The following NT5DC1 variants were observed in gnomAD, a reference collection of about 807,000 sequenced individuals.
NT5DC1 encodes the protein 5'-nucleotidase domain-containing protein 1.
Under a neutral mutation model 59.4 loss-of-function variants are expected in NT5DC1, and 42 were observed. The observed-to-expected ratio is 0.71, with a 90% confidence interval of 0.55 to 0.92. The LOEUF (loss-of-function observed/expected upper bound fraction) is 0.92, where lower values mean the gene tolerates loss of function less well. Among genes scored for constraint, NT5DC1 ranks in the 40% least tolerant of loss-of-function variants. The pLI is 0.00. For missense variants in NT5DC1, 501 were observed against 537.1 expected (o/e 0.93, Z 0.66); for synonymous variants, 172 against 188.1 (o/e 0.91, Z 0.70).
intron 6 of NT5DC1, among the ~76,000 whole-genome samples, chr6:116,139,308 G>A (rs1779704920): frequency 6.6e-6 from 1 of 151,904 alleles, no homozygotes. Flanking sequence ...TGTGTTATTT[G>A]GTACAAATGA....
chr6:116,185,513 C>T (rs1297968286), intron 6 of NT5DC1, among the ~76,000 whole-genome samples: 1 of 151,976 alleles, frequency 6.6e-6, no homozygotes, highest in Non-Finnish European at 1.5e-5. Context: ...TTTCTTAAGT[C>T]TAGTAGTAAC....
chr6:116,143,122 A>G (rs1779806569), intron 6 of NT5DC1, among the ~76,000 whole-genome samples: 1 of 152,170 alleles, frequency 6.6e-6, no homozygotes, highest in South Asian at 2.1e-4. Flanking sequence ...TGCCTGATAA[A>G]TTTGCCTCTG....
At position 116,102,620 on chromosome 6, in the gene NT5DC1, C is replaced by T. The variant is rs376688529; in HGVS notation, c.93+1597C>T. ...TCATAAAATTTCAGAATATAAGATT[C>T]TCAAAGACAAGAGGTTTTTTTACTG... On this transcript the variant is annotated intron_variant, in intron 1 of 11. Coordinates refer to ENST00000319550, the MANE Select transcript of NT5DC1 (RefSeq NM_152729.3). Among the ~76,000 whole-genome samples the T allele has an allele frequency of 2.0e-5, 3 of 152,282 alleles. No homozygotes were observed. The East Asian group carries it at 5.8e-4, about 29-fold the overall frequency.
chr6:116,204,433 T>A (rs1781407600), intron 6 of NT5DC1, among the ~76,000 whole-genome samples: 1 of 151,956 alleles, frequency 6.6e-6, no homozygotes, highest in Admixed American at 6.6e-5. Flanking sequence ...CCACTTTCAC[T>A]TAGTATATCA....
In NT5DC1 at chr6:116,111,022, G is replaced by A. The variant is rs78235284; in HGVS notation, c.364+66G>A. On this transcript the variant is annotated intron_variant, in intron 4 of 11. Transcript: ENST00000319550. ...TTGTTTTGTACCCTAAACCTTTGAT[G>A]TCAGGACAAAGAAGACCCCCCTTTC... 74 of 1,127,964 alleles carry A rather than the reference G, an allele frequency of 6.6e-5. No homozygotes were observed. The East Asian group carries it at 1.5e-3, about 23-fold the overall frequency. 69.9% of individuals were successfully genotyped at this position (1,127,964 alleles called of 1,614,324 possible).
At chr6:116,179,477 A>G (rs2114470839) in intron 6 of NT5DC1, among the ~76,000 whole-genome samples, 1 of 152,172 alleles carries the variant, frequency 6.6e-6, no homozygotes, top group East Asian at 1.9e-4. Flanking sequence ...TAGGCTAAGA[A>G]CCCGAATAGA....
intron 6 of NT5DC1, among the ~76,000 whole-genome samples, chr6:116,131,042 A>C (rs191503880): frequency 4.6e-5 from 7 of 152,240 alleles, no homozygotes; most frequent in Admixed American, 4.6e-4. Flanking sequence ...AATTTTTATG[A>C]ATGCTCTTTT....
chr6:116,147,970 GCGAGAC>G (rs1432156830), intron 6 of NT5DC1, among the ~76,000 whole-genome samples: 1 of 151,270 alleles, frequency 6.6e-6, no homozygotes, highest in East Asian at 1.9e-4. Context: ...TGGCGACAGA[GCGAGAC>G]TCTGTCTCAA....
chr6:116,247,040 C>G lies in NT5DC1; in HGVS notation c.*3016C>G, dbSNP rs1319964302. 1 of 152,136 alleles carries G rather than the reference C, an allele frequency of 6.6e-6. No individual in the cohort carries two copies. The highest frequency in any genetic ancestry group is 2.4e-5 in the African/African-American group (1 of 41,420). The allele number at this position is 152,136 out of a possible 1,614,324, so 9.4% of individuals were successfully genotyped here. On this transcript the variant is annotated 3_prime_UTR_variant, in exon 12 of 12. Transcript: ENST00000319550. ...AAATTCAGAGAGATTAAATACAATG[C>G]TTGCTCTGTGTTACACTGTTAGTAA...
Position 116,238,343 on chromosome 6 carries a change from T to C in NT5DC1, c.1078T>C (p.Tyr360His). Residue 360 changes from tyrosine to histidine, a missense_variant, in exon 10 of 12, where the codon TAT becomes CAT. Physicochemically the swap from Tyr to His is moderately conservative, Grantham distance 83 (BLOSUM62 2). Transcript: ENST00000319550. ...AGAGCCTCTAGAGAAGAAAGGAAAA[T>C]ATGAGGTAAGGGTTCCCTGCAGCTC... is the stretch of plus-strand genomic sequence containing the variant. ...ESEPLEKKGK[Y>H]EGPKAKPLNT... 1 of 1,592,592 alleles carries C rather than the reference T, an allele frequency of 6.3e-7. No homozygotes were observed.
intron 8 of NT5DC1, among the ~76,000 whole-genome samples, chr6:116,229,811 C>G (rs968096967): frequency 1.3e-5 from 2 of 152,124 alleles, no homozygotes; most frequent in Admixed American, 6.5e-5. Flanking sequence ...CTCTCTGTCT[C>G]GTCCCTTGGC....
chr6:116,158,648 G>C (rs1391916675), intron 6 of NT5DC1: 1 of 152,110 alleles, frequency 6.6e-6, no homozygotes, highest in Non-Finnish European at 1.5e-5. Flanking sequence ...TATGCTTGTT[G>C]TTGGCTGCTC....
Position 116,239,024 on chromosome 6 carries a change from G to T in NT5DC1, c.1153G>T (p.Gly385Ter). 1.2e-6 allele frequency: 2 copies of T among 1,608,218 alleles called. No homozygotes were observed. The highest frequency in any genetic ancestry group is 1.1e-5 in the South Asian group (1 of 90,970). ...CTCTTTTTTTATTGATTCAGTTTTG[G>T]GACTGGAAAATACAGAAGACTCCTT... The part of the protein sequence containing the change: ...WGSFFIDSVL[G>*]LENTEDSLVY... The change falls in exon 11 of 12, where the codon GGA becomes TGA. Residue 385 changes from glycine (G) to a stop codon, truncating the protein, a stop_gained. Coordinates refer to ENST00000319550, the MANE Select transcript of NT5DC1 (RefSeq NM_152729.3). LOFTEE classifies it high-confidence loss of function.
intron 6 of NT5DC1, among the ~76,000 whole-genome samples, chr6:116,183,104 G>A (rs1780923361): frequency 6.6e-6 from 1 of 151,890 alleles, no homozygotes; most frequent in African/African-American, 2.4e-5. Flanking sequence ...CTTGTCAGTT[G>A]TCCCTGCACC....
intron 6 of NT5DC1, among the ~76,000 whole-genome samples, chr6:116,187,661 G>A (rs1037139340): frequency 1.3e-5 from 2 of 152,016 alleles, no homozygotes; most frequent in African/African-American, 4.8e-5. Flanking sequence ...AATCTATGTA[G>A]AAATTCATAA....
chr6:116,176,869 T>A (rs1269695448), intron 6 of NT5DC1, among the ~76,000 whole-genome samples: 1 of 152,206 alleles, frequency 6.6e-6, no homozygotes, highest in Non-Finnish European at 1.5e-5. Flanking sequence ...CCTGTGATCT[T>A]CTCACTTCTC....
chr6:116,241,503 T>C (rs539204603), intron 11 of NT5DC1, among the ~76,000 whole-genome samples: 1 of 152,358 alleles, frequency 6.6e-6, no homozygotes, highest in East Asian at 1.9e-4. Context: ...AGTATTGATG[T>C]CAGAAATGCA....
At chr6:116,231,703 C>T (rs1782024022) in intron 8 of NT5DC1, among the ~76,000 whole-genome samples, 3 of 152,236 alleles carry the variant, frequency 2.0e-5, no homozygotes, top group Middle Eastern at 3.4e-3. Flanking sequence ...TTACTTGTAA[C>T]AGAAAAACAT....
intron 6 of NT5DC1, among the ~76,000 whole-genome samples, chr6:116,128,439 C>T (rs903663253): frequency 6.7e-6 from 1 of 149,308 alleles, no homozygotes; most frequent in African/African-American, 2.4e-5. Flanking sequence ...GAAACCCATT[C>T]CACTCAAAAC....
Sources: gnomAD v4.1 joint callset for allele counts (sites outside exome capture counted in the v4.1 genomes callset) on GRCh38, gnomAD v4.1.1 for gene constraint, MANE v1.5 for transcripts, NCBI Gene and HGNC (gene_info 2026-07-23, HGNC 2026-07-21) for gene names.